Variants in GRIA1 observed in about 807,000 individuals in gnomAD.
GRIA1 encodes the protein glutamate receptor 1.
GRIA1 carries 31 observed loss-of-function variants against 99.2 expected under a neutral mutation model. The ratio of observed to expected loss-of-function variants is 0.31; its 90% CI spans 0.23 to 0.42. GRIA1 has a LOEUF of 0.42. GRIA1 is among the 10% of genes least tolerant of loss of function. GRIA1 has a pLI of 1.00. For synonymous variants in GRIA1, 438 were observed against 432.4 expected (o/e 1.01, Z -0.16); for missense variants, 782 against 1,157.5 (o/e 0.68, Z 4.71).
chr5:153,729,110 C>G (rs1760808772), intron 11 of GRIA1, among the ~76,000 whole-genome samples: 1 of 150,394 alleles, frequency 6.6e-6, no homozygotes, highest in African/African-American at 2.5e-5. Flanking sequence ...TGGAAATCAT[C>G]ATTCTCAGTA....
At chr5:153,675,076 A>G (rs1053095660) in intron 6 of GRIA1, among the ~76,000 whole-genome samples, 1 of 152,196 alleles carries the variant, frequency 6.6e-6, no homozygotes, top group African/African-American at 2.4e-5. Context: ...GCAATGCACA[A>G]CTTCTTCATG....
chr5:153,629,596 C>A (rs1019281356), intron 2 of GRIA1, among the ~76,000 whole-genome samples: 2 of 152,212 alleles, frequency 1.3e-5, no homozygotes, highest in African/African-American at 4.8e-5. Flanking sequence ...GGTACTTGGG[C>A]TCCGTGTACA....
chr5:153,784,280 G>A (rs1356953668), intron 13 of GRIA1, among the ~76,000 whole-genome samples: 1 of 152,110 alleles, frequency 6.6e-6, no homozygotes, highest in Non-Finnish European at 1.5e-5. Flanking sequence ...TACCCTAGCT[G>A]TAGTTACATG....
At chr5:153,645,977 G>A (rs1379567839) in intron 2 of GRIA1, among the ~76,000 whole-genome samples, 2 of 152,152 alleles carry the variant, frequency 1.3e-5, no homozygotes, top group African/African-American at 4.8e-5. Flanking sequence ...GATGGCCTTG[G>A]GGTTGGTCTC....
chr5:153,630,539 T>C (rs927612044), intron 2 of GRIA1, among the ~76,000 whole-genome samples: 5 of 152,032 alleles, frequency 3.3e-5, no homozygotes, highest in African/African-American at 1.2e-4. Context: ...CCCAAAACAA[T>C]AGGAAATAAA....
chr5:153,494,139 T>C, intron 2 of GRIA1, 74 bp downstream of exon 2: 1 of 1,508,596 alleles, frequency 6.6e-7, no homozygotes, highest in Non-Finnish European at 9.0e-7. Context: ...GGGTAGGTGG[T>C]GGTGTTGCAA....
In GRIA1 at chr5:153,578,283, G is replaced by A. The variant is rs1762753835; in HGVS notation, c.221-68645G>A. Among the ~76,000 whole-genome samples the A allele has an allele frequency of 2.6e-5, 4 of 152,062 alleles. No homozygotes were observed. In the South Asian group the frequency reaches 8.3e-4, roughly 32 times the overall value. On this transcript the variant is annotated intron_variant, in intron 2 of 15. Transcript: ENST00000285900. ...CATGAAGGTATTCGTTTAAATAGTG[G>A]GTCAGTGAATGCCCTTACTGAGTAA... is the stretch of plus-strand genomic sequence containing the variant.
chr5:153,635,173 G>T (rs1303200643), intron 2 of GRIA1, among the ~76,000 whole-genome samples: 1 of 152,278 alleles, frequency 6.6e-6, no homozygotes, highest in African/African-American at 2.4e-5. Context: ...GAAAAGAATG[G>T]CAAATAAGAA....
chr5:153,799,239 T>G (rs1054504870), intron 14 of GRIA1, among the ~76,000 whole-genome samples: 7 of 152,122 alleles, frequency 4.6e-5, no homozygotes, highest in African/African-American at 1.7e-4. Flanking sequence ...GAGTAGCTGT[T>G]TATACACAGA....
chr5:153,789,797 C>T (rs1275705019), intron 13 of GRIA1, among the ~76,000 whole-genome samples: 1 of 152,206 alleles, frequency 6.6e-6, no homozygotes, highest in Non-Finnish European at 1.5e-5. Flanking sequence ...TACCTAATGG[C>T]ACACCATAAG....
chr5:153,696,387 T>C (rs1485526925), intron 8 of GRIA1, among the ~76,000 whole-genome samples: 1 of 152,198 alleles, frequency 6.6e-6, no homozygotes, highest in Non-Finnish European at 1.5e-5. Flanking sequence ...AAATGCAGCC[T>C]CTGGAGAGAG....
chr5:153,520,578 A>G (rs1040019243), intron 2 of GRIA1, among the ~76,000 whole-genome samples: 2 of 152,138 alleles, frequency 1.3e-5, no homozygotes, highest in Admixed American at 6.6e-5. Context: ...TATGGAAGTG[A>G]GTAGGGAAGA....
intron 13 of GRIA1, among the ~76,000 whole-genome samples, 186 bp from the exon 14 acceptor site, chr5:153,794,435 G>T (rs527802169): frequency 3.3e-5 from 5 of 152,174 alleles, no homozygotes; most frequent in Non-Finnish European, 7.4e-5. Context: ...GGGAGTCAAT[G>T]ATGGAGACTA....
At chr5:153,703,202 A>G (rs1413324234) in intron 10 of GRIA1, among the ~76,000 whole-genome samples, 1 of 152,220 alleles carries the variant, frequency 6.6e-6, no homozygotes, top group Non-Finnish European at 1.5e-5. Context: ...GTATGTGTGT[A>G]TCTTACATAC....
intron 4 of GRIA1, among the ~76,000 whole-genome samples, chr5:153,653,369 G>A (rs1383188863): frequency 6.6e-6 from 1 of 152,162 alleles, no homozygotes; most frequent in East Asian, 1.9e-4. Flanking sequence ...TGGATGCTGA[G>A]CGTCCACTGG....
At chr5:153,506,600 G>A (rs1755530611) in intron 2 of GRIA1, among the ~76,000 whole-genome samples, 1 of 152,044 alleles carries the variant, frequency 6.6e-6, no homozygotes, top group Non-Finnish European at 1.5e-5. Context: ...AATCTATCTG[G>A]TAAAGGCTAT....
chr5:153,784,684 G>A (rs1764859337), intron 13 of GRIA1, among the ~76,000 whole-genome samples: 1 of 152,134 alleles, frequency 6.6e-6, no homozygotes, highest in Non-Finnish European at 1.5e-5. Context: ...TCACTGGATA[G>A]CCTCTCCCAG....
chr5:153,705,581 C>A, intron 10 of GRIA1, 116 bp from the exon 11 acceptor site: 1 of 1,340,988 alleles, frequency 7.5e-7, no homozygotes, highest in Non-Finnish European at 9.8e-7. Context: ...CTTTCCCACT[C>A]TCATATCCTT....
At chr5:153,732,406 T>C (rs1049243305) in intron 11 of GRIA1, among the ~76,000 whole-genome samples, 11 of 152,184 alleles carry the variant, frequency 7.2e-5, no homozygotes, top group Non-Finnish European at 1.6e-4. Context: ...GGCTTTTTGA[T>C]AATAACCATT....
Sources: allele counts gnomAD v4.1 joint callset (sites outside exome capture counted in the v4.1 genomes callset), GRCh38; gene constraint gnomAD v4.1.1; transcripts MANE v1.5; gene names NCBI Gene and HGNC (gene_info 2026-07-23, HGNC 2026-07-21).